SUGCT: variants seen among roughly 807,000 people sequenced by gnomAD.
The protein encoded by SUGCT is succinyl-CoA:glutarate-CoA transferase.
A neutral mutation model predicts 55.0 loss-of-function variants in SUGCT; 41 were observed. The ratio of observed to expected loss-of-function variants is 0.74; its 90% CI spans 0.58 to 0.97. The LOEUF (loss-of-function observed/expected upper bound fraction) is 0.97, where lower values mean the gene tolerates loss of function less well. Among genes scored for constraint, SUGCT ranks in the 50% least tolerant of loss-of-function variants. The probability of loss-of-function intolerance (pLI) is 0.00; values close to 1 mark genes in which losing one functional copy is unlikely to be tolerated. For missense variants in SUGCT, 568 were observed against 547.8 expected (o/e 1.04, Z -0.37); for synonymous variants, 187 against 200.4 (o/e 0.93, Z 0.56).
intron 12 of SUGCT, among the ~76,000 whole-genome samples, chr7:40,594,393 A>G (rs946173832): frequency 9.9e-5 from 15 of 152,016 alleles, no homozygotes; most frequent in Non-Finnish European, 1.8e-4. Flanking sequence ...TACCCAAGTC[A>G]TCTCTACCAT....
At chr7:40,966,817 G>A in the SUGCT span, 1 of 152,198 alleles carries the variant, frequency 6.6e-6, no homozygotes, top group Admixed American at 6.5e-5. Flanking sequence ...CTTAAACATA[G>A]AGGAATAGAC....
chr7:40,881,880 T>G, the SUGCT span, among the ~76,000 whole-genome samples: 1 of 152,258 alleles, frequency 6.6e-6, no homozygotes, highest in Admixed American at 6.5e-5. Context: ...AGGCATAATC[T>G]AAAGTAACAT....
At chr7:40,534,039 G>A (rs1365921069) in intron 12 of SUGCT, among the ~76,000 whole-genome samples, 2 of 152,296 alleles carry the variant, frequency 1.3e-5, no homozygotes, top group East Asian at 1.9e-4. Context: ...AAGTGTTTGT[G>A]TGTGTTAATG....
At chr7:40,920,647 T>C in the SUGCT span, among the ~76,000 whole-genome samples, 9 of 152,200 alleles carry the variant, frequency 5.9e-5, no homozygotes, top group Admixed American at 3.9e-4. Flanking sequence ...TTCATTATTC[T>C]TTGTCTAAAC....
At chr7:40,656,965 G>T (rs1442457641) in intron 12 of SUGCT, among the ~76,000 whole-genome samples, 2 of 152,204 alleles carry the variant, frequency 1.3e-5, no homozygotes, top group African/African-American at 4.8e-5. Context: ...GCAGAAGTAT[G>T]CTGCATGCAC....
chr7:40,890,238 A>G, the SUGCT span, among the ~76,000 whole-genome samples: 1 of 142,384 alleles, frequency 7.0e-6, no homozygotes, highest in Non-Finnish European at 1.5e-5. Context: ...TTATATAATT[A>G]AATATTTATA....
intron 11 of SUGCT, among the ~76,000 whole-genome samples, chr7:40,485,524 C>T (rs779912619): frequency 6.8e-6 from 1 of 146,746 alleles, no homozygotes; most frequent in Non-Finnish European, 1.5e-5. Flanking sequence ...CTCCCAAGCT[C>T]AAGTGGTGCT....
At chr7:40,335,775 C>T (rs1238327347) in intron 9 of SUGCT, among the ~76,000 whole-genome samples, 2 of 152,170 alleles carry the variant, frequency 1.3e-5, no homozygotes, top group African/African-American at 4.8e-5. Flanking sequence ...CCAGAACTTC[C>T]AACACTATGT....
At chr7:40,311,408 T>G (rs1795143146) in intron 8 of SUGCT, among the ~76,000 whole-genome samples, 2 of 152,228 alleles carry the variant, frequency 1.3e-5, no homozygotes, top group African/African-American at 4.8e-5. Flanking sequence ...AATAGAAGAA[T>G]GACGATACAA....
chr7:40,238,333 G>T (rs978000844), intron 7 of SUGCT, among the ~76,000 whole-genome samples: 1 of 151,736 alleles, frequency 6.6e-6, no homozygotes, highest in Non-Finnish European at 1.5e-5. Flanking sequence ...ATAGTGGTTT[G>T]GGAAGTTCCT....
At position 40,189,299 on chromosome 7, in the gene SUGCT, A is replaced by G. The variant is rs7776967; in HGVS notation, c.313-245A>G. Among the ~76,000 whole-genome samples the G allele has an allele frequency of 0.51, 76,924 of 151,068 alleles. 19,938 individuals carry two copies. The highest frequency in any genetic ancestry group is 0.64 in the Middle Eastern group (182 of 284). Reference sequence around the variant, plus strand: ...AGAGGTTGCAGTGAGCCAAGATTGCACCACTGCACTCCAGCCTGGGTGACA... The same window carrying G: ...AGAGGTTGCAGTGAGCCAAGATTGCGCCACTGCACTCCAGCCTGGGTGACA... On this transcript the variant is annotated intron_variant, in intron 4 of 13. Coordinates refer to ENST00000335693, the MANE Select transcript of SUGCT (RefSeq NM_001193313.2).
chr7:40,213,882 G>C (rs989997461), intron 6 of SUGCT, among the ~76,000 whole-genome samples: 1 of 152,120 alleles, frequency 6.6e-6, no homozygotes, highest in Non-Finnish European at 1.5e-5. Context: ...ATCCTTTCAA[G>C]ATTTTCTTTT....
chr7:40,163,372 G>A (rs1359141173), intron 1 of SUGCT, among the ~76,000 whole-genome samples: 5 of 152,096 alleles, frequency 3.3e-5, no homozygotes, highest in Admixed American at 3.3e-4. Context: ...TTGGGAGGTC[G>A]AGGTGGGCAG....
chr7:40,271,344 T>C (rs1792000382), intron 7 of SUGCT, among the ~76,000 whole-genome samples: 1 of 152,180 alleles, frequency 6.6e-6, no homozygotes, highest in South Asian at 2.1e-4. Flanking sequence ...TTGTGCAGTC[T>C]GGGCTCCAAC....
chr7:40,921,717 G>A, the SUGCT span, among the ~76,000 whole-genome samples: 5 of 152,120 alleles, frequency 3.3e-5, no homozygotes, highest in East Asian at 3.9e-4. Flanking sequence ...ACCAACCCCC[G>A]GGGGTGGTGG....
At chr7:40,909,347 G>A in the SUGCT span, among the ~76,000 whole-genome samples, 16 of 152,128 alleles carry the variant, frequency 1.1e-4, no homozygotes, top group Non-Finnish European at 2.9e-5. Flanking sequence ...CAAACAGTGC[G>A]TGCCTCCACC....
chr7:40,151,966 T>G (rs950268476), intron 1 of SUGCT, among the ~76,000 whole-genome samples: 21 of 152,108 alleles, frequency 1.4e-4, no homozygotes, highest in Admixed American at 1.1e-3. Flanking sequence ...TTTCTAGCTT[T>G]CTTTTGTTTC....
At chr7:40,612,881 C>T (rs1398896173) in intron 12 of SUGCT, among the ~76,000 whole-genome samples, 2 of 151,796 alleles carry the variant, frequency 1.3e-5, no homozygotes, top group Non-Finnish European at 2.9e-5. Flanking sequence ...GCCTGTAATC[C>T]CAGCACTTTG....
chr7:40,684,010 T>C, intron 12 of SUGCT: 8 of 1,609,220 alleles, frequency 5.0e-6, no homozygotes, highest in Non-Finnish European at 6.8e-6. Context: ...CAAATCCTTG[T>C]GGTTGTATGA....
Sources: gnomAD v4.1 joint callset for allele counts (sites outside exome capture counted in the v4.1 genomes callset) on GRCh38, gnomAD v4.1.1 for gene constraint, MANE v1.5 for transcripts, NCBI Gene and HGNC (gene_info 2026-07-23, HGNC 2026-07-21) for gene names.